NCKAP5: variants seen among roughly 807,000 people sequenced by gnomAD.
NCKAP5 encodes the protein NCK associated protein 5, also known as nck-associated protein 5.
NCKAP5 carries 92 observed loss-of-function variants against 167.0 expected under a neutral mutation model. The observed-to-expected ratio is 0.55, with a 90% CI of 0.47 to 0.66. The LOEUF (loss-of-function observed/expected upper bound fraction) is 0.66. Ranked by LOEUF, NCKAP5 falls within the 30% of genes least tolerant of loss-of-function variation. NCKAP5 has a pLI of 0.00. For synonymous variants in NCKAP5, 891 were observed against 877.4 expected, an observed-to-expected ratio of 1.02 and a Z score of -0.27; for missense variants, 2,378 against 2,315.0, an observed-to-expected ratio of 1.03 and a Z score of -0.56.
At chr2:133,078,987 T>C (rs1317444258) in intron 6 of NCKAP5, among the ~76,000 whole-genome samples, 1 of 152,176 alleles carries the variant, frequency 6.6e-6, no homozygotes, top group Non-Finnish European at 1.5e-5. Context: ...AGGCTCTTAG[T>C]AACTAGAAAG....
intron 7 of NCKAP5, among the ~76,000 whole-genome samples, chr2:132,980,129 A>G (rs1433356669): frequency 1.3e-5 from 2 of 151,702 alleles, no homozygotes; most frequent in South Asian, 4.2e-4. Context: ...AGCTGGGACT[A>G]CAGGCATGCA....
chr2:133,133,696 C>CA (rs1178392449), intron 5 of NCKAP5, among the ~76,000 whole-genome samples: 1 of 152,056 alleles, frequency 6.6e-6, no homozygotes, highest in Non-Finnish European at 1.5e-5. Flanking sequence ...GCAAACTCTG[C>CA]AAAAAATATC....
chr2:133,089,203 A>G (rs1464048604), intron 6 of NCKAP5, among the ~76,000 whole-genome samples: 2 of 152,210 alleles, frequency 1.3e-5, no homozygotes, highest in African/African-American at 4.8e-5. Flanking sequence ...TGAAGTTTCC[A>G]TTCAGTCTAT....
chr2:133,671,059 C>CA, the NCKAP5 span, among the ~76,000 whole-genome samples: 1 of 151,590 alleles, frequency 6.6e-6, no homozygotes, highest in East Asian at 1.9e-4. Context: ...ACTAAAAATA[C>CA]AAAAAATTAG....
chr2:133,647,109 A>G, the NCKAP5 span, among the ~76,000 whole-genome samples: 4 of 152,106 alleles, frequency 2.6e-5, no homozygotes, highest in African/African-American at 4.8e-5. Flanking sequence ...AGGCCAAGGC[A>G]AGAGGATTGC....
chr2:133,467,647 T>A (rs1001674013), intron 3 of NCKAP5, among the ~76,000 whole-genome samples: 18 of 150,536 alleles, frequency 1.2e-4, no homozygotes, highest in Admixed American at 9.3e-4. Context: ...TCCTGGACTC[T>A]TTTTGGTTGG....
At chr2:133,289,324 CT>C (rs906177090) in intron 4 of NCKAP5, among the ~76,000 whole-genome samples, 2 of 151,784 alleles carry the variant, frequency 1.3e-5, no homozygotes, top group African/African-American at 4.8e-5. Flanking sequence ...ATCTTTTTGC[CT>C]TTTTTTTCCA....
intron 2 of NCKAP5, among the ~76,000 whole-genome samples, chr2:133,538,869 T>C (rs560113779): frequency 2.0e-5 from 3 of 151,272 alleles, no homozygotes; most frequent in South Asian, 2.1e-4. Context: ...AGTCACTTGA[T>C]AGCTCAGCTT....
intron 3 of NCKAP5, among the ~76,000 whole-genome samples, chr2:133,359,280 CGT>C (rs1574792622): frequency 6.6e-6 from 1 of 152,208 alleles, no homozygotes; most frequent in African/African-American, 2.4e-5. Flanking sequence ...GCATTTCTCA[CGT>C]CTTACAACTG....
At chr2:133,083,656 G>C (rs2080886653) in intron 6 of NCKAP5, among the ~76,000 whole-genome samples, 1 of 152,158 alleles carries the variant, frequency 6.6e-6, no homozygotes, top group Admixed American at 6.5e-5. Context: ...GGCATAGACT[G>C]AATTCTGCAG....
intron 19 of NCKAP5, among the ~76,000 whole-genome samples, chr2:132,700,991 T>C (rs1687831360): frequency 6.6e-6 from 1 of 151,856 alleles, no homozygotes; most frequent in African/African-American, 2.4e-5. Context: ...TCTGATTTAA[T>C]CGGTCTAGAA....
At chr2:133,545,781 G>A (rs751041484) in intron 2 of NCKAP5, among the ~76,000 whole-genome samples, 1 of 152,138 alleles carries the variant, frequency 6.6e-6, no homozygotes, top group South Asian at 2.1e-4. Context: ...GGCAGGATTC[G>A]ACAGTCCAAA....
chr2:133,639,694 T>C, the NCKAP5 span, among the ~76,000 whole-genome samples: 2 of 152,064 alleles, frequency 1.3e-5, no homozygotes, highest in African/African-American at 4.8e-5. Flanking sequence ...GACCAGCCCA[T>C]CAGTGCATCT....
At chr2:133,586,340 G>A in the NCKAP5 span, among the ~76,000 whole-genome samples, 2 of 151,978 alleles carry the variant, frequency 1.3e-5, no homozygotes, top group Non-Finnish European at 2.9e-5. Flanking sequence ...TCCGATTCCT[G>A]GCCAGTTCCT....
chr2:132,832,380 T>G (rs573544471), intron 11 of NCKAP5, among the ~76,000 whole-genome samples: 1 of 152,134 alleles, frequency 6.6e-6, no homozygotes, highest in Non-Finnish European at 1.5e-5. Flanking sequence ...GTTTTATATA[T>G]GTTTTGCATG....
chr2:133,493,465 A>G (rs1263721971), intron 3 of NCKAP5, among the ~76,000 whole-genome samples: 1 of 152,238 alleles, frequency 6.6e-6, no homozygotes, highest in Non-Finnish European at 1.5e-5. Context: ...GGGTCCTACT[A>G]AAATATTCTG....
intron 2 of NCKAP5, among the ~76,000 whole-genome samples, chr2:133,531,686 A>T (rs939767981): frequency 3.9e-5 from 6 of 152,160 alleles, no homozygotes; most frequent in Admixed American, 3.9e-4. Flanking sequence ...TATCCATAAG[A>T]ATGGGATTGA....
chr2:133,294,106 T>G (rs139208331), intron 4 of NCKAP5, among the ~76,000 whole-genome samples: 95 of 152,328 alleles, frequency 6.2e-4, no homozygotes, highest in African/African-American at 2.1e-3. Context: ...TCTCTTTGTT[T>G]GCTACACATT....
chr2:132,791,760 C>T (rs1684087665), intron 12 of NCKAP5, among the ~76,000 whole-genome samples: 1 of 152,200 alleles, frequency 6.6e-6, no homozygotes, highest in African/African-American at 2.4e-5. Flanking sequence ...TAAACACCAG[C>T]TTGGGAAAGG....
Sources: gnomAD v4.1 joint callset for allele counts (sites outside exome capture counted in the v4.1 genomes callset) on GRCh38, gnomAD v4.1.1 for gene constraint, MANE v1.5 for transcripts, NCBI Gene and HGNC (gene_info 2026-07-23, HGNC 2026-07-21) for gene names.